The following ASTN2 variants were observed in gnomAD, a reference collection of about 807,000 sequenced individuals.
ASTN2 encodes astrotactin 2, also known as astrotactin-2.
A neutral mutation model predicts 139.8 loss-of-function variants in ASTN2; 54 were observed. The ratio of observed to expected loss-of-function variants is 0.39; its 90% CI spans 0.31 to 0.48. The LOEUF is 0.48. Ranked by LOEUF, ASTN2 falls within the 20% of genes least tolerant of loss-of-function variation. The pLI, the probability that ASTN2 is intolerant of heterozygous loss-of-function variation, is 0.95. For missense variants in ASTN2, 1,565 were observed against 1,725.1 expected, an observed-to-expected ratio of 0.91 and a Z score of 1.64; for synonymous variants, 756 against 719.5, an observed-to-expected ratio of 1.05 and a Z score of -0.81.
In ASTN2 at chr9:117,181,047, A is replaced by G. The variant is rs552181319; in HGVS notation, c.1015+33311T>C. On this transcript the variant is annotated intron_variant, in intron 3 of 22. Transcript: ENST00000313400. ...ACTGGGGTAGCGCAAGGTCAGAAACATAAACATACATCTGAAAGGCCTGTT... is the reference window on the plus strand; with the variant it reads ...ACTGGGGTAGCGCAAGGTCAGAAACGTAAACATACATCTGAAAGGCCTGTT... The G allele has an allele frequency of 1.1e-3, 1,623 of 1,484,666 alleles. 3 individuals carry two copies. The highest frequency in any genetic ancestry group is 1.4e-3 in the Admixed American group (85 of 59,870). 92.0% of individuals were successfully genotyped at this position (1,484,666 alleles called of 1,614,324 possible).
At chr9:116,651,944 A>C (rs1278838933) in intron 16 of ASTN2, 151 bp from the exon 17 acceptor site, 5 of 965,604 alleles carry the variant, frequency 5.2e-6, no homozygotes, top group Non-Finnish European at 7.5e-6. Flanking sequence ...GATGCCTTGG[A>C]AAGACTGCCA....
intron 22 of ASTN2, among the ~76,000 whole-genome samples, chr9:116,436,976 A>G (rs1035501167): frequency 6.6e-6 from 1 of 150,696 alleles, no homozygotes; most frequent in Non-Finnish European, 1.5e-5. Context: ...ACCAAACACC[A>G]CATATTCTCA....
chr9:116,877,189 T>G (rs1185535370), intron 10 of ASTN2, among the ~76,000 whole-genome samples: 1 of 152,244 alleles, frequency 6.6e-6, no homozygotes, highest in African/African-American at 2.4e-5. Context: ...AAACAGGAAC[T>G]GCATTAGGGT....
chr9:117,046,415 G>A (rs571134448), intron 5 of ASTN2, among the ~76,000 whole-genome samples: 1 of 152,260 alleles, frequency 6.6e-6, no homozygotes, highest in South Asian at 2.1e-4. Context: ...ATCTAAAAAA[G>A]GGTAGTGATA....
At chr9:116,701,781 T>A (rs559502933) in intron 16 of ASTN2, among the ~76,000 whole-genome samples, 16 of 152,190 alleles carry the variant, frequency 1.1e-4, no homozygotes, top group Non-Finnish European at 1.6e-4. Flanking sequence ...TATTTTAGGC[T>A]GTGCTTAGTA....
chr9:117,119,115 T>C (rs958306409), intron 4 of ASTN2, among the ~76,000 whole-genome samples: 2 of 152,180 alleles, frequency 1.3e-5, no homozygotes, highest in East Asian at 3.9e-4. Flanking sequence ...GTTGAATGAA[T>C]GAATAGATAA....
intron 20 of ASTN2, among the ~76,000 whole-genome samples, chr9:116,443,243 G>T (rs781433484): frequency 1.5e-4 from 23 of 152,102 alleles, no homozygotes; most frequent in Non-Finnish European, 2.9e-4. Flanking sequence ...GAAGACCTGG[G>T]GAAAGAGCAT....
In ASTN2 at chr9:116,956,723, G is replaced by A. The variant is rs144934770; in HGVS notation, c.1889+18485C>T. 6.1e-3 allele frequency among the ~76,000 whole-genome samples: 929 copies of A among 151,738 alleles called. 10 individuals are homozygous for A. Among genetic ancestry groups the A allele is most frequent in the African/African-American group, 0.021 (860 of 41,406 alleles). The stretch of plus-strand genomic sequence containing the variant: ...ACAATTAGAATTAATAAATAACTTC[G>A]GCAAGGTTGCACAGTATGGGGTCAA... On this transcript the variant is annotated intron_variant, in intron 10 of 22. Coordinates refer to ENST00000313400, the MANE Select transcript of ASTN2 (RefSeq NM_001365068.1).
At chr9:116,840,388 T>A (rs1832176628) in intron 11 of ASTN2, among the ~76,000 whole-genome samples, 2 of 150,862 alleles carry the variant, frequency 1.3e-5, no homozygotes, top group African/African-American at 4.9e-5. Context: ...AATGAGCTGT[T>A]GGGTACACCT....
chr9:117,120,154 T>C (rs564115636), intron 4 of ASTN2, among the ~76,000 whole-genome samples: 26 of 151,036 alleles, frequency 1.7e-4, no homozygotes, highest in Admixed American at 1.1e-3. Context: ...AACACTGGAC[T>C]GGAAGAAGGT....
chr9:116,435,505 CT>C (rs1245089520), intron 22 of ASTN2, among the ~76,000 whole-genome samples: 1 of 152,156 alleles, frequency 6.6e-6, no homozygotes, highest in East Asian at 1.9e-4. Flanking sequence ...TGTTTGTTTG[CT>C]TTTCCTTTTC....
intron 19 of ASTN2, among the ~76,000 whole-genome samples, chr9:116,526,054 G>A (rs1753578283): frequency 6.6e-6 from 1 of 152,092 alleles, no homozygotes; most frequent in South Asian, 2.1e-4. Flanking sequence ...CGGCTCAAGT[G>A]CCATCTTCTC....
At chr9:117,165,539 C>T (rs917697483) in intron 3 of ASTN2, among the ~76,000 whole-genome samples, 6 of 152,032 alleles carry the variant, frequency 3.9e-5, no homozygotes, top group East Asian at 3.9e-4. Flanking sequence ...TGCAGAACTG[C>T]GCAGCACGGA....
intron 13 of ASTN2, among the ~76,000 whole-genome samples, chr9:116,744,313 A>T (rs536674829): frequency 6.6e-6 from 1 of 152,318 alleles, no homozygotes; most frequent in African/African-American, 2.4e-5. Context: ...CATAGGGATC[A>T]GATCTCATGG....
At chr9:116,800,108 T>G (rs1310282522) in intron 13 of ASTN2, among the ~76,000 whole-genome samples, 3 of 152,186 alleles carry the variant, frequency 2.0e-5, no homozygotes, top group African/African-American at 7.2e-5. Context: ...TTGTATGAAC[T>G]GTGTCCTTCT....
intron 4 of ASTN2, among the ~76,000 whole-genome samples, chr9:117,104,078 G>A (rs1259771898): frequency 2.0e-5 from 3 of 152,190 alleles, no homozygotes; most frequent in Non-Finnish European, 4.4e-5. Context: ...CCAGCTAAGT[G>A]GAAGGATATG....
At chr9:117,077,252 G>A (rs769429235) in intron 5 of ASTN2, among the ~76,000 whole-genome samples, 10 of 152,140 alleles carry the variant, frequency 6.6e-5, no homozygotes, top group African/African-American at 1.4e-4. Context: ...GTTTTGGCGC[G>A]AGACTCAATG....
At chr9:117,402,448 T>C (rs1830860360) in intron 1 of ASTN2, among the ~76,000 whole-genome samples, 1 of 152,182 alleles carries the variant, frequency 6.6e-6, no homozygotes, top group Non-Finnish European at 1.5e-5. Context: ...GAATGACTGC[T>C]TAGCTTGAAA....
At chr9:116,800,658 GT>G (rs1830823181) in intron 13 of ASTN2, among the ~76,000 whole-genome samples, 1 of 152,170 alleles carries the variant, frequency 6.6e-6, no homozygotes, top group African/African-American at 2.4e-5. Flanking sequence ...ATATAAAGTA[GT>G]TGCATACATC....
Sources: gnomAD v4.1 joint callset for allele counts (sites outside exome capture counted in the v4.1 genomes callset) on GRCh38, gnomAD v4.1.1 for gene constraint, MANE v1.5 for transcripts, NCBI Gene and HGNC (gene_info 2026-07-23, HGNC 2026-07-21) for gene names.